The following FAH variants were observed in gnomAD, a reference collection of about 807,000 sequenced individuals.
The protein encoded by FAH is fumarylacetoacetate hydrolase.
A neutral mutation model predicts 55.8 loss-of-function variants in FAH; 47 were observed. The ratio of observed to expected loss-of-function variants is 0.84; its 90% confidence interval spans 0.67 to 1.07. The LOEUF is 1.07. Among genes scored for constraint, FAH ranks in the 50% least tolerant of loss-of-function variants. The pLI is 0.00. For synonymous variants in FAH, 199 were observed against 207.7 expected (o/e 0.96, Z 0.36); for missense variants, 495 against 545.9 (o/e 0.91, Z 0.93).
At chr15:80,178,560 C>T (rs1020607420) in intron 11 of FAH, among the ~76,000 whole-genome samples, 10 of 151,214 alleles carry the variant, frequency 6.6e-5, no homozygotes, top group Non-Finnish European at 1.2e-4. Context: ...TAGTGTTGCA[C>T]TGTATAAATA....
At chr15:80,186,500 TC>T, downstream of FAH, 2 of 475,636 alleles carry the variant, frequency 4.2e-6, no homozygotes, top group Non-Finnish European at 3.9e-6. Context: ...ATCCCAGGCC[TC>T]CTGGTATTCC....
At chr15:80,179,865 TG>T (rs2041314560) in intron 11 of FAH, among the ~76,000 whole-genome samples, 1 of 151,888 alleles carries the variant, frequency 6.6e-6, no homozygotes, top group African/African-American at 2.4e-5. Context: ...AGGTGGTCAG[TG>T]TGGGCTTGAG....
intron 5 of FAH, among the ~76,000 whole-genome samples, chr15:80,166,638 T>TG (rs1193652467): frequency 6.8e-6 from 1 of 146,000 alleles, no homozygotes. Context: ...GCATTTTCTT[T>TG]TTTTTTTTTT....
intron 13 of FAH, among the ~76,000 whole-genome samples, chr15:80,182,773 G>T (rs1248977326): frequency 6.6e-6 from 1 of 152,220 alleles, no homozygotes; most frequent in Non-Finnish European, 1.5e-5. Context: ...TGATTCCCCT[G>T]CCAAGTTTGT....
intron 1 of FAH, among the ~76,000 whole-genome samples, chr15:80,154,593 G>A (rs1221770136): frequency 1.3e-5 from 2 of 152,222 alleles, no homozygotes; most frequent in South Asian, 2.1e-4. Flanking sequence ...CATTCCAACC[G>A]TGATGGCTGC....
In FAH at chr15:80,159,873, A is replaced by T; in HGVS notation, c.310A>T (p.Lys104Ter). The part of the protein sequence containing the change: ...ARLRDDTELR[K>*]CAFISQASAT... ...GCTCAGAGATGACACCGAACTTCGG[A>T]AGTGGTGAGAAGCACGTGGTCATAG... is the stretch of plus-strand genomic sequence containing the variant. Residue 104 changes from lysine (K) to a stop codon, truncating the protein, a stop_gained, in exon 3 of 14, where the codon AAG becomes TAG. Transcript: ENST00000561421. LOFTEE classifies it high-confidence loss of function. The T allele has an allele frequency of 6.2e-7, 1 of 1,614,130 alleles. No homozygotes were observed. The highest frequency in any genetic ancestry group is 1.3e-5 in the African/African-American group (1 of 75,052).
intron 11 of FAH, 40 bp from the exon 12 acceptor site, chr15:80,180,084 C>A: frequency 6.6e-7 from 1 of 1,517,952 alleles, no homozygotes; most frequent in Non-Finnish European, 9.1e-7. Flanking sequence ...CTAGGCTAAG[C>A]CTGCCGCTGC....
chr15:80,167,998 T>G, intron 5 of FAH, 54 bp from the exon 6 acceptor site: 1 of 1,438,306 alleles, frequency 7.0e-7, no homozygotes. Flanking sequence ...TTAAAGTTAA[T>G]TGACAACATA....
At chr15:80,160,335 G>A (rs1209969942) in intron 3 of FAH, 75 bp from the exon 4 acceptor site, 1 of 1,452,332 alleles carries the variant, frequency 6.9e-7, no homozygotes, top group African/African-American at 1.4e-5. Flanking sequence ...CTTGGGGATG[G>A]TCTGGGCTGA....
Position 80,186,199 on chromosome 15 carries a change from T to C in FAH, c.1250T>C (p.Leu417Pro). 6.2e-7 allele frequency: 1 copy of C among 1,613,894 alleles called. No individual in the cohort carries two copies. Among genetic ancestry groups the C allele is most frequent in the Non-Finnish European group, 8.5e-7 (1 of 1,179,734 alleles). ...QCAGKVLPAL[L>P]PS is the part of the protein sequence containing the mutation. ...GCTGGAAAAGTGCTGCCTGCTCTCC[T>C]GCCATCATGAGATTTTCTCTGCTCT... Residue 417 changes from leucine (L) to proline (P), a missense_variant, in exon 14 of 14, where the codon CTG (leucine) becomes CCG (proline). Physicochemically the swap from Leu to Pro is moderately conservative, Grantham distance 98. Coordinates refer to ENST00000561421, the MANE Select transcript of FAH (RefSeq NM_000137.4).
Position 80,180,188 on chromosome 15 carries a change from CG to C in FAH, c.1030del (p.Asp344ThrfsTer30), listed in dbSNP as rs747546798. On this transcript the variant is annotated frameshift_variant, in exon 12 of 14. Transcript: ENST00000561421. LOFTEE classifies it high-confidence loss of function. ...HHSVNGCNLR[P>X]GDLLASGTIS... The stretch of plus-strand genomic sequence containing the variant: ...TCTGTCAACGGCTGCAACCTGCGGC[CG>C]GGGGACCTCCTGGCTTCTGGGACCA... The C allele has an allele frequency of 1.8e-5, 29 of 1,609,488 alleles. No individual in the cohort carries two copies. The highest frequency in any genetic ancestry group is 2.3e-5 in the Non-Finnish European group (27 of 1,179,954).
At chr15:80,169,858 A>G (rs910442182) in intron 7 of FAH, among the ~76,000 whole-genome samples, 1 of 152,124 alleles carries the variant, frequency 6.6e-6, no homozygotes, top group Non-Finnish European at 1.5e-5. Flanking sequence ...TTTAAATTAA[A>G]CTTTTTATTT....
At chr15:80,161,513 T>G (rs1228363299) in intron 4 of FAH, among the ~76,000 whole-genome samples, 1 of 152,070 alleles carries the variant, frequency 6.6e-6, no homozygotes, top group Non-Finnish European at 1.5e-5. Context: ...CTGTCCCAAC[T>G]GGTTTTTCTT....
chr15:80,169,578 G>A (rs1414825546), intron 7 of FAH, among the ~76,000 whole-genome samples: 1 of 151,844 alleles, frequency 6.6e-6, no homozygotes, highest in Non-Finnish European at 1.5e-5. Flanking sequence ...CTGTCACCCA[G>A]GCTGGAGTGC....
At chr15:80,172,873 C>T (rs2041252330) in intron 8 of FAH, 141 bp from the exon 9 acceptor site, 1 of 1,129,334 alleles carries the variant, frequency 8.9e-7, no homozygotes, top group African/African-American at 1.5e-5. Flanking sequence ...GCCCCTTTGT[C>T]CTGGGGCAGC....
intron 5 of FAH, 42 bp downstream of exon 5, chr15:80,162,378 C>A: frequency 1.3e-6 from 2 of 1,523,256 alleles, no homozygotes; most frequent in Non-Finnish European, 1.8e-6. Context: ...CAAAGTCTTT[C>A]TTTTCATTTC....
At chr15:80,186,069 A>C in intron 13 of FAH, 61 bp from the exon 14 acceptor site, 7 of 1,361,518 alleles carry the variant, frequency 5.1e-6, no homozygotes, top group Non-Finnish European at 7.4e-6. Context: ...GCCGCTGCCT[A>C]GGTGTTGGTT....
chr15:80,176,595 C>T (rs2041286123), intron 10 of FAH, among the ~76,000 whole-genome samples: 1 of 152,178 alleles, frequency 6.6e-6, no homozygotes, highest in South Asian at 2.1e-4. Flanking sequence ...AAGGATTCAC[C>T]CCGAGCCACC....
At chr15:80,175,769 CAT>C (rs1166742844) in intron 10 of FAH, among the ~76,000 whole-genome samples, 1 of 152,230 alleles carries the variant, frequency 6.6e-6, no homozygotes, top group African/African-American at 2.4e-5. Flanking sequence ...GCCATGTCCT[CAT>C]TTGTCATCTA....
Sources: gnomAD v4.1 joint callset for allele counts (sites outside exome capture counted in the v4.1 genomes callset) on GRCh38, gnomAD v4.1.1 for gene constraint, MANE v1.5 for transcripts, NCBI Gene and HGNC (gene_info 2026-07-23, HGNC 2026-07-21) for gene names.